Variants in SAMD5 observed in about 807,000 individuals in gnomAD.
The protein encoded by SAMD5 is sterile alpha motif domain containing 5.
SAMD5 carries 13 observed loss-of-function variants against 11.3 expected under a neutral mutation model. That is an observed-to-expected ratio of 1.15 (90% CI 0.75 to 1.83). SAMD5 has a LOEUF of 1.83. SAMD5 is among the 40% of genes most tolerant of loss of function. The pLI is 0.00. For synonymous variants in SAMD5, 129 were observed against 111.3 expected, an observed-to-expected ratio of 1.16 and a Z score of -1.00; for missense variants, 255 against 239.1, an observed-to-expected ratio of 1.07 and a Z score of -0.44.
chr6:147,542,195 G>C (rs1788616461), intron 1 of SAMD5, among the ~76,000 whole-genome samples: 1 of 152,200 alleles, frequency 6.6e-6, no homozygotes, highest in Non-Finnish European at 1.5e-5. Flanking sequence ...CCTGCCAGTA[G>C]AGAGAGTACC....
chr6:147,866,573 T>C, the SAMD5 span, among the ~76,000 whole-genome samples: 251 of 152,300 alleles, frequency 1.6e-3, no homozygotes, highest in African/African-American at 5.7e-3. Flanking sequence ...CAGTTTTAAT[T>C]ATCCTCTGTA....
chr6:147,830,229 C>CT, the SAMD5 span, among the ~76,000 whole-genome samples: 7 of 137,156 alleles, frequency 5.1e-5, 1 homozygote, highest in African/African-American at 1.9e-4. Context: ...TCCCAATAAG[C>CT]TTTTTCTTTC....
the SAMD5 span, among the ~76,000 whole-genome samples, chr6:147,885,926 A>T: frequency 6.6e-6 from 1 of 152,256 alleles, no homozygotes; most frequent in Non-Finnish European, 1.5e-5. Context: ...TAAAGAACAT[A>T]TAATTTCTAT....
chr6:147,844,257 A>G, the SAMD5 span, among the ~76,000 whole-genome samples: 1 of 152,180 alleles, frequency 6.6e-6, no homozygotes, highest in Non-Finnish European at 1.5e-5. Flanking sequence ...CAACCTCTCT[A>G]ATCATCAGAG....
the SAMD5 span, among the ~76,000 whole-genome samples, chr6:147,785,306 T>C: frequency 6.6e-6 from 1 of 152,178 alleles, no homozygotes; most frequent in Non-Finnish European, 1.5e-5. Flanking sequence ...CTCCTCCTCA[T>C]TGTCACGAGC....
chr6:147,951,251 G>A, the SAMD5 span, among the ~76,000 whole-genome samples: 1 of 150,634 alleles, frequency 6.6e-6, no homozygotes, highest in Non-Finnish European at 1.5e-5. Flanking sequence ...GCGCGATCTC[G>A]GCTCACTGCA....
the SAMD5 span, among the ~76,000 whole-genome samples, chr6:147,899,108 T>G: frequency 7.2e-6 from 1 of 139,564 alleles, no homozygotes; most frequent in Non-Finnish European, 1.5e-5. Flanking sequence ...GAGGTGGTGG[T>G]TGCAGTGAGC....
downstream of SAMD5, among the ~76,000 whole-genome samples, chr6:147,572,880 C>A (rs1346179562): frequency 6.6e-6 from 1 of 152,050 alleles, no homozygotes; most frequent in East Asian, 1.9e-4. Flanking sequence ...AAATTTGTGA[C>A]CCATAATTTT....
At chr6:147,556,736 C>T (rs1788863473) in intron 1 of SAMD5, among the ~76,000 whole-genome samples, 1 of 152,162 alleles carries the variant, frequency 6.6e-6, no homozygotes, top group African/African-American at 2.4e-5. Flanking sequence ...AATATGCTTA[C>T]ATCACATATT....
intron 1 of SAMD5, among the ~76,000 whole-genome samples, chr6:147,520,200 C>T (rs942151572): frequency 6.6e-6 from 1 of 150,634 alleles, no homozygotes; most frequent in Non-Finnish European, 1.5e-5. Context: ...TCACTGCAAC[C>T]TTCACCTCCA....
chr6:147,835,033 C>A, the SAMD5 span, among the ~76,000 whole-genome samples: 1 of 151,994 alleles, frequency 6.6e-6, no homozygotes, highest in Admixed American at 6.6e-5. Flanking sequence ...GTTCGAGAAA[C>A]CAGCCTGGCC....
intron 1 of SAMD5, among the ~76,000 whole-genome samples, chr6:147,660,141 T>C (rs12176275): frequency 0.015 from 2,223 of 152,308 alleles, 75 homozygotes; most frequent in Admixed American, 0.067. Context: ...CCTGTCCTTA[T>C]GATATGCGGA....
chr6:147,850,885 T>C, the SAMD5 span, among the ~76,000 whole-genome samples: 3 of 151,854 alleles, frequency 2.0e-5, no homozygotes, highest in Non-Finnish European at 4.4e-5. Context: ...AAACCACCCT[T>C]CTTTTACTTA....
intron 1 of SAMD5, among the ~76,000 whole-genome samples, chr6:147,632,400 G>T (rs1790164554): frequency 6.6e-6 from 1 of 152,176 alleles, no homozygotes; most frequent in Admixed American, 6.5e-5. Context: ...AAGAGTGAGG[G>T]CTCGAGTTAA....
chr6:147,857,749 T>G, the SAMD5 span, among the ~76,000 whole-genome samples: 2 of 152,234 alleles, frequency 1.3e-5, 1 homozygote, highest in South Asian at 4.1e-4. Context: ...GGACAGCTTA[T>G]ACTTTGTATA....
intron 1 of SAMD5, among the ~76,000 whole-genome samples, chr6:147,716,732 C>G (rs1416770624): frequency 2.6e-5 from 4 of 152,190 alleles, no homozygotes; most frequent in Non-Finnish European, 1.5e-5. Context: ...CCATTGCTGG[C>G]ACATTTTTGC....
intron 1 of SAMD5, among the ~76,000 whole-genome samples, chr6:147,676,553 T>C (rs1370849392): frequency 6.6e-6 from 1 of 152,158 alleles, no homozygotes; most frequent in Non-Finnish European, 1.5e-5. Flanking sequence ...GATTTCCTCC[T>C]ATTGGAAGGT....
the SAMD5 span, among the ~76,000 whole-genome samples, chr6:147,864,328 T>C: frequency 6.6e-6 from 1 of 152,260 alleles, no homozygotes; most frequent in African/African-American, 2.4e-5. Context: ...TTAAAGTGGA[T>C]ATAATTTGGT....
At chr6:147,923,145 G>A in the SAMD5 span, among the ~76,000 whole-genome samples, 32 of 152,242 alleles carry the variant, frequency 2.1e-4, no homozygotes, top group East Asian at 1.2e-3. Context: ...GGGGCCCACC[G>A]GTGTTGAAAC....
Sources: gnomAD v4.1 joint callset for allele counts (sites outside exome capture counted in the v4.1 genomes callset) on GRCh38, gnomAD v4.1.1 for gene constraint, MANE v1.5 for transcripts, NCBI Gene and HGNC (gene_info 2026-07-23, HGNC 2026-07-21) for gene names.